Variants in APBB2 observed in about 807,000 individuals in gnomAD.
APBB2 encodes the protein Fe65-like 1.
Under a neutral mutation model 82.5 loss-of-function variants are expected in APBB2, and 38 were observed. The observed-to-expected ratio is 0.46, with a 90% CI of 0.36 to 0.60. APBB2 has a LOEUF of 0.60. Ranked by LOEUF, APBB2 falls within the 20% of genes least tolerant of loss-of-function variation. The pLI is 0.00. For synonymous variants in APBB2, 341 were observed against 368.2 expected (o/e 0.93, Z 0.85); for missense variants, 772 against 972.3 (o/e 0.79, Z 2.74).
chr4:41,149,233 G>T (rs1050164911), intron 1 of APBB2, among the ~76,000 whole-genome samples: 33 of 151,534 alleles, frequency 2.2e-4, no homozygotes, highest in Admixed American at 1.6e-3. Context: ...TTACCACGGG[G>T]AATATCAATT....
chr4:41,084,674 C>T (rs970873198), intron 3 of APBB2: 8 of 152,124 alleles, frequency 5.3e-5, no homozygotes, highest in Admixed American at 2.6e-4. Context: ...GGTCCCTGCA[C>T]AAGGATGACA....
In APBB2 at chr4:40,815,763, C is replaced by T. The variant is rs3829840; in HGVS notation, c.*329G>A. 6.4e-5 allele frequency: 16 copies of T among 248,438 alleles called. No individual in the cohort carries two copies. The East Asian group carries it at 1.1e-3, about 17-fold the overall frequency. The allele number at this position is 248,438 out of a possible 1,614,324, so 15.4% of individuals were successfully genotyped here. A position where few individuals can be genotyped will look rare whatever the true frequency, so the allele number is the denominator to read the frequency against. On this transcript the variant is annotated 3_prime_UTR_variant, in exon 18 of 18. Transcript: ENST00000508593. ...ACTCACGCATCATTCATTCCAAGGA[C>T]GCAGCGTTAGTTCACTAGGAGGGGT... is the stretch of plus-strand genomic sequence containing the variant.
At chr4:41,095,710 A>G (rs1249557195) in intron 3 of APBB2, among the ~76,000 whole-genome samples, 2 of 151,234 alleles carry the variant, frequency 1.3e-5, no homozygotes, top group Non-Finnish European at 3.0e-5. Context: ...TGCTGCTCAC[A>G]CGTACACTTC....
chr4:41,016,167 T>C (rs898238730), intron 5 of APBB2, among the ~76,000 whole-genome samples: 1 of 152,176 alleles, frequency 6.6e-6, no homozygotes, highest in Admixed American at 6.5e-5. Context: ...AATCTGCTGT[T>C]CCTAAAAGGC....
chr4:41,037,210 G>C (rs537966450), intron 4 of APBB2, among the ~76,000 whole-genome samples: 2 of 152,298 alleles, frequency 1.3e-5, no homozygotes, highest in African/African-American at 4.8e-5. Context: ...TTTAAATACA[G>C]ATCAAGTATT....
intron 2 of APBB2, among the ~76,000 whole-genome samples, chr4:41,129,399 C>T (rs142552650): frequency 6.6e-6 from 1 of 152,332 alleles, no homozygotes; most frequent in East Asian, 1.9e-4. Context: ...ACTGCTCCCT[C>T]TCCCTGAAAT....
In APBB2 at chr4:40,907,344, AT is replaced by A. The variant is rs1560860130; in HGVS notation, c.1255-13934del. On this transcript the variant is annotated intron_variant, in intron 10 of 17. Transcript: ENST00000508593. ...TGCTTTATTTAATTTAATTTAATAT[AT>A]TACATATATATATATATATATATAT... Among the ~76,000 whole-genome samples, 63 of 73,914 alleles carry A rather than the reference AT, an allele frequency of 8.5e-4. 1 individual carries two copies. The highest frequency in any genetic ancestry group is 1.5e-3 in the African/African-American group (24 of 15,706). The allele number at this position is 73,914 out of a possible 152,430, so 48.5% of individuals were successfully genotyped here.
At chr4:41,129,020 G>A (rs560291032) in intron 2 of APBB2, among the ~76,000 whole-genome samples, 31 of 152,052 alleles carry the variant, frequency 2.0e-4, no homozygotes, top group South Asian at 1.2e-3. Context: ...ATCACACACC[G>A]TGTCTTTGAC....
At chr4:40,926,572 C>T (rs949521600) in intron 10 of APBB2, among the ~76,000 whole-genome samples, 4 of 152,372 alleles carry the variant, frequency 2.6e-5, no homozygotes, top group Admixed American at 1.3e-4. Flanking sequence ...CTGCCTCAGC[C>T]TCCCAAGCAG....
At chr4:41,054,841 A>G (rs1467746737) in intron 4 of APBB2, among the ~76,000 whole-genome samples, 1 of 151,930 alleles carries the variant, frequency 6.6e-6, no homozygotes, top group African/African-American at 2.4e-5. Flanking sequence ...AAGCTACCAT[A>G]CGGGGGAGAA....
intron 1 of APBB2, among the ~76,000 whole-genome samples, chr4:41,166,952 G>C (rs559134489): frequency 1.3e-5 from 2 of 152,168 alleles, no homozygotes; most frequent in Non-Finnish European, 1.5e-5. Flanking sequence ...GCAAGTGGTG[G>C]GTGACTGAAC....
chr4:41,017,698 G>C (rs746715806), intron 5 of APBB2, among the ~76,000 whole-genome samples: 6 of 152,104 alleles, frequency 3.9e-5, no homozygotes, highest in African/African-American at 1.4e-4. Context: ...AATATAGCGC[G>C]GGGCTGCCTA....
intron 6 of APBB2, among the ~76,000 whole-genome samples, chr4:40,959,568 A>T (rs1292087204): frequency 6.6e-6 from 1 of 152,188 alleles, no homozygotes; most frequent in South Asian, 2.1e-4. Context: ...TAAGTTAGAT[A>T]CTTCAACAAA....
chr4:41,212,804 T>C (rs1779658370), intron 1 of APBB2, among the ~76,000 whole-genome samples: 2 of 152,204 alleles, frequency 1.3e-5, no homozygotes, highest in Admixed American at 6.5e-5. Context: ...CTGTGTTCTC[T>C]CGGCATTTCC....
intron 3 of APBB2, among the ~76,000 whole-genome samples, chr4:41,081,711 T>C (rs1737688894): frequency 6.6e-6 from 1 of 152,214 alleles, no homozygotes; most frequent in Non-Finnish European, 1.5e-5. Flanking sequence ...TACCAGAATT[T>C]TAAACTTTTA....
intron 1 of APBB2, among the ~76,000 whole-genome samples, chr4:41,161,329 G>A (rs142102218): frequency 3.4e-4 from 52 of 152,220 alleles, no homozygotes; most frequent in African/African-American, 1.1e-3. Flanking sequence ...GCATTCAGCC[G>A]GGCATGGTGG....
chr4:41,196,599 CTTTTTTTTTT>C, intron 1 of APBB2, among the ~76,000 whole-genome samples: 8 of 100,318 alleles, frequency 8.0e-5, no homozygotes, highest in African/African-American at 2.6e-4. Flanking sequence ...AAGCCCCCTG[CTTTTTTTTTT>C]TTTTTTTTTT....
intron 1 of APBB2, among the ~76,000 whole-genome samples, chr4:41,145,885 T>C (rs1760569958): frequency 6.6e-6 from 1 of 152,162 alleles, no homozygotes; most frequent in African/African-American, 2.4e-5. Context: ...GGAAAGACAT[T>C]AGTGGTTTCA....
chr4:40,893,103 G>T, intron 11 of APBB2, 162 bp downstream of exon 11: 3 of 767,522 alleles, frequency 3.9e-6, no homozygotes. Flanking sequence ...TAAGGGATCA[G>T]TCACACGGGG....
Sources: gnomAD v4.1 joint callset for allele counts (sites outside exome capture counted in the v4.1 genomes callset) on GRCh38, gnomAD v4.1.1 for gene constraint, MANE v1.5 for transcripts, NCBI Gene and HGNC (gene_info 2026-07-23, HGNC 2026-07-21) for gene names.